Variants in ADGB observed in about 807,000 individuals in gnomAD.
ADGB encodes the protein calpain-7-like protein.
In ADGB, 172 loss-of-function variants were observed where a neutral mutation model predicts 210.5. The observed-to-expected ratio is 0.82, with a 90% CI of 0.72 to 0.93. ADGB has a LOEUF of 0.93. Ranked by LOEUF, ADGB falls within the 40% of genes least tolerant of loss-of-function variation. The pLI is 0.00. For missense variants in ADGB, 2,025 were observed against 1,964.8 expected (o/e 1.03, Z -0.58); for synonymous variants, 658 against 662.7 (o/e 0.99, Z 0.11).
At chr6:146,663,682 T>A (rs1482286185) in intron 5 of ADGB, among the ~76,000 whole-genome samples, 2 of 152,050 alleles carry the variant, frequency 1.3e-5, no homozygotes, top group South Asian at 2.1e-4. Context: ...GTATTTATCC[T>A]TTTGCATCTG....
chr6:146,781,171 C>CAAAAAAAAAA (rs71031009), intron 29 of ADGB, among the ~76,000 whole-genome samples: 216 of 89,618 alleles, frequency 2.4e-3, no homozygotes, highest in Non-Finnish European at 2.9e-3. Context: ...ACTAAAAATA[C>CAAAAAAAAAA]AAAAAAAAAA....
At chr6:146,792,545 C>CA (rs1777968369) in intron 33 of ADGB, among the ~76,000 whole-genome samples, 3 of 144,712 alleles carry the variant, frequency 2.1e-5, no homozygotes. Context: ...ACAGCACAGA[C>CA]TTTTTTTTTT....
chr6:146,656,800 T>C lies in ADGB; in HGVS notation c.432T>C (p.Tyr144=), dbSNP rs1225799906. 5.2e-6 allele frequency: 8 copies of C among 1,548,368 alleles called. No individual in the cohort carries two copies. The East Asian group carries it at 1.5e-4, about 28-fold the overall frequency. ...ELMRWIISEI[Y]AVWKIFNGGI... is the part of the protein sequence containing the mutation. ...TGAGATGGATTATCAGTGAAATCTA[T>C]GCAGTGTGGAAGATCTTCAATGGAG... The change falls in exon 5 of 36, where the codon TAT becomes TAC. Residue 144 remains tyrosine, a synonymous_variant. Transcript: ENST00000397944.
At position 146,692,826 on chromosome 6, in the gene ADGB, G is replaced by A. The variant is rs940261634; in HGVS notation, c.1488G>A (p.Glu496=). The part of the protein sequence containing the change: ...KETVITDEAQ[E]LIVKKPERFL... ...TACTTTCTAACTGCTACTTTTTAGA[G>A]TTAATAGTAAAGAAGCCTGAACGGT... Residue 496 remains glutamate, a splice_region_variant and synonymous_variant, in exon 12 of 36, where the codon GAG becomes GAA. Coordinates refer to ENST00000397944, the MANE Select transcript of ADGB (RefSeq NM_024694.4). 6.6e-6 allele frequency: 10 copies of A among 1,504,768 alleles called. No individual in the cohort carries two copies. Among genetic ancestry groups the A allele is most frequent in the Non-Finnish European group, 9.0e-6 (10 of 1,116,892 alleles). The allele number at this position is 1,504,768 out of a possible 1,614,324, so 93.2% of individuals were successfully genotyped here. A position where few individuals can be genotyped will look rare whatever the true frequency, so the allele number is the denominator to read the frequency against.
chr6:146,732,631 T>C (rs1355985216), intron 20 of ADGB, among the ~76,000 whole-genome samples: 1 of 152,046 alleles, frequency 6.6e-6, no homozygotes, highest in Non-Finnish European at 1.5e-5. Context: ...CTATGTGACA[T>C]ATGATGAAAA....
In ADGB at chr6:146,728,734, A is replaced by T; in HGVS notation, c.2513A>T (p.His838Leu). Residue 838 changes from histidine to leucine, a missense_variant, in exon 20 of 36, where the codon CAC becomes CTC. Transcript: ENST00000397944. ...PFHDKELTAQHFRVFHLSLWR... is the reference protein window; with the variant it reads ...PFHDKELTAQLFRVFHLSLWR... ...CATGATAAAGAACTAACTGCACAGC[A>T]CTTCAGGGTAAGCTTGTTTGGGATA... The T allele has an allele frequency of 6.5e-7, 1 of 1,544,638 alleles. No homozygotes were observed. The highest frequency in any genetic ancestry group is 8.8e-7 in the Non-Finnish European group (1 of 1,142,358).
Position 146,782,088 on chromosome 6 carries a change from C to CA in ADGB, c.3936dup (p.Ser1313IlefsTer17), listed in dbSNP as rs1777809509. 1 of 1,546,968 alleles carries CA rather than the reference C, an allele frequency of 6.5e-7. No individual in the cohort carries two copies. ...AGACTCCCACACTATTAGTGAGGGA[C>CA]AAAAATCTTCAGTAACTTCCAAAAC... On this transcript the variant is annotated frameshift_variant, in exon 30 of 36. Transcript: ENST00000397944. LOFTEE classifies it high-confidence loss of function.
intron 10 of ADGB, among the ~76,000 whole-genome samples, chr6:146,686,081 T>C (rs6924889): frequency 0.42 from 63,406 of 151,894 alleles, 14,489 homozygotes; most frequent in East Asian, 0.6. Context: ...TCACTTTTAA[T>C]TTTTATAGAT....
chr6:146,725,232 C>T (rs1017593975), intron 18 of ADGB: 3 of 152,162 alleles, frequency 2.0e-5, no homozygotes, highest in East Asian at 1.9e-4. Flanking sequence ...TTCTTATATC[C>T]GCTTTTCCCC....
At chr6:146,691,423 T>TATATATATAAAA (rs1776307988) in intron 11 of ADGB, 133 bp downstream of exon 11, 1 of 47,162 alleles carries the variant, frequency 2.1e-5, no homozygotes, top group African/African-American at 1.8e-4. Context: ...TATATATATA[T>TATATATATAAAA]ATATATATAT....
At chr6:146,691,381 C>A in intron 11 of ADGB, 91 bp downstream of exon 11, 4 of 849,416 alleles carry the variant, frequency 4.7e-6, no homozygotes, top group Non-Finnish European at 6.2e-6. Context: ...CAAGGTAAAT[C>A]ACCCAACATT....
At chr6:146,751,644 G>A (rs1020796287) in intron 26 of ADGB, among the ~76,000 whole-genome samples, 10 of 151,966 alleles carry the variant, frequency 6.6e-5, no homozygotes, top group Non-Finnish European at 8.8e-5. Flanking sequence ...AGCATCTATC[G>A]TTTCCTGACC....
In ADGB at chr6:146,742,130, G is replaced by C. The variant is rs183777417; in HGVS notation, c.3177+859G>C. Among the ~76,000 whole-genome samples the C allele has an allele frequency of 3.9e-5, 6 of 152,066 alleles. 1 individual carries two copies. In the South Asian group the frequency reaches 8.3e-4, roughly 21 times the overall value. Reference sequence around the variant, plus strand: ...TATTAACTCCATAAAAATCCTAATAGCTCTTTCATGCTGTCTTAGAGATTT... The same window carrying C: ...TATTAACTCCATAAAAATCCTAATACCTCTTTCATGCTGTCTTAGAGATTT... On this transcript the variant is annotated intron_variant, in intron 25 of 35. Transcript: ENST00000397944.
intron 1 of ADGB, among the ~76,000 whole-genome samples, chr6:146,632,883 C>T (rs1240563610): frequency 6.6e-6 from 1 of 152,124 alleles, no homozygotes; most frequent in Admixed American, 6.6e-5. Context: ...ATTGTTCTTG[C>T]TCAATCTATA....
At position 146,685,773 on chromosome 6, in the gene ADGB, C is replaced by A; in HGVS notation, c.1256C>A (p.Ala419Glu). The change falls in exon 10 of 36, where the codon GCG (alanine) becomes GAG (glutamate). Residue 419 changes from alanine (A) to glutamate (E), a missense_variant. By Grantham distance (107) the Ala-to-Glu change is moderately radical. Coordinates refer to ENST00000397944, the MANE Select transcript of ADGB (RefSeq NM_024694.4). ...CAGACCTCTCATATGGTCGTATATG[C>A]GACATTTACACCTCTTTATTTGTTT... ...AIQTSHMVVY[A>E]TFTPLYLFEN... is the part of the protein sequence containing the mutation. 1 of 1,540,452 alleles carries A rather than the reference C, an allele frequency of 6.5e-7. No homozygotes were observed. The highest frequency in any genetic ancestry group is 1.4e-5 in the African/African-American group (1 of 72,258).
At chr6:146,783,035 G>C (rs536243754) in intron 30 of ADGB, among the ~76,000 whole-genome samples, 1 of 152,078 alleles carries the variant, frequency 6.6e-6, no homozygotes, top group African/African-American at 2.4e-5. Context: ...TGGACTTAAA[G>C]GAGAAAAGAC....
chr6:146,803,587 T>C, intron 35 of ADGB: 7 of 1,401,766 alleles, frequency 5.0e-6, no homozygotes, highest in Non-Finnish European at 6.0e-6. Context: ...TGGAGACTTC[T>C]TAACCTCCTT....
intron 1 of ADGB, among the ~76,000 whole-genome samples, 160 bp from the exon 2 acceptor site, chr6:146,635,215 C>T (rs1160410678): frequency 3.3e-5 from 5 of 151,940 alleles, no homozygotes; most frequent in African/African-American, 1.2e-4. Flanking sequence ...TCTTTAGAAA[C>T]TTAACATGTA....
At chr6:146,742,950 T>A (rs1360771976) in intron 25 of ADGB, among the ~76,000 whole-genome samples, 2 of 152,158 alleles carry the variant, frequency 1.3e-5, no homozygotes, top group East Asian at 3.9e-4. Flanking sequence ...CCCAAGACAA[T>A]TCTTCCACTG....
Sources: allele counts gnomAD v4.1 joint callset (sites outside exome capture counted in the v4.1 genomes callset), GRCh38; gene constraint gnomAD v4.1.1; transcripts MANE v1.5; gene names NCBI Gene and HGNC (gene_info 2026-07-23, HGNC 2026-07-21).